The following TRPC6 variants were observed in gnomAD, a reference collection of about 807,000 sequenced individuals.
The protein encoded by TRPC6 is short transient receptor potential channel 6.
In TRPC6, 55 loss-of-function variants were observed where a neutral mutation model predicts 90.7. That is an observed-to-expected ratio of 0.61 (90% CI 0.49 to 0.76). The LOEUF (loss-of-function observed/expected upper bound fraction) is 0.76, where lower values mean the gene tolerates loss of function less well. TRPC6 is among the 30% of genes least tolerant of loss of function. The probability of loss-of-function intolerance (pLI) is 0.00; values close to 1 mark genes in which losing one functional copy is unlikely to be tolerated. For synonymous variants in TRPC6, 393 were observed against 393.0 expected (o/e 1.00, Z 0.00); for missense variants, 989 against 1,122.7 (o/e 0.88, Z 1.70).
At chr11:101,559,136 C>T (rs1293857501) in intron 1 of TRPC6, among the ~76,000 whole-genome samples, 2 of 152,016 alleles carry the variant, frequency 1.3e-5, no homozygotes, top group Non-Finnish European at 2.9e-5. Context: ...AATATCCACA[C>T]TATATAAGGG....
rs561430137 is a variant in TRPC6, at chr11:101,486,079, G to GT, written c.1293+2857dup. On this transcript the variant is annotated intron_variant, in intron 4 of 12. Coordinates refer to ENST00000344327, the MANE Select transcript of TRPC6 (RefSeq NM_004621.6). The stretch of plus-strand genomic sequence containing the variant: ...GGTATTTCTTGGTTTGTTTGTTGGT[G>GT]TTTTCTTGTTTTGTTTTGTTTTGTT... Among the ~76,000 whole-genome samples the GT allele has an allele frequency of 1.9e-3, 255 of 132,328 alleles. 1 individual carries two copies. Among genetic ancestry groups the GT allele is most frequent in the African/African-American group, 8.2e-3 (243 of 29,710 alleles). 86.8% of individuals were successfully genotyped at this position (132,328 alleles called of 152,430 possible).
chr11:101,472,231 C>T lies in TRPC6; in HGVS notation c.2111G>A (p.Gly704Asp). The T allele has an allele frequency of 6.2e-7, 1 of 1,613,092 alleles. No homozygotes were observed. The highest frequency in any genetic ancestry group is 1.3e-5 in the African/African-American group (1 of 74,980). Residue 704 changes from glycine to aspartate, a missense_variant, in exon 8 of 13, where the codon GGT (glycine) becomes GAT (aspartate). Gly to Asp is a moderately conservative substitution (Grantham distance 94). Transcript: ENST00000344327. The stretch of plus-strand genomic sequence containing the variant: ...ATTATAGACTCCATAAAGAACGTAA[C>T]CAATGTTTTCAATGAATTTGTGGTT... Reference protein sequence around the residue: ...NYNHKFIENIGYVLYGVYNVT... With the variant: ...NYNHKFIENIDYVLYGVYNVT...
At chr11:101,458,376 T>C (rs1156863604) in intron 10 of TRPC6, among the ~76,000 whole-genome samples, 2 of 152,208 alleles carry the variant, frequency 1.3e-5, no homozygotes, top group Non-Finnish European at 2.9e-5. Context: ...TATAACCTCC[T>C]AAGCTCTACC....
At chr11:101,463,353 T>C (rs1052646211) in intron 10 of TRPC6, among the ~76,000 whole-genome samples, 1 of 152,228 alleles carries the variant, frequency 6.6e-6, no homozygotes, top group Non-Finnish European at 1.5e-5. Flanking sequence ...TCCCTCTTTT[T>C]CTATTGTTTG....
chr11:101,511,502 TA>T (rs544573442), intron 1 of TRPC6, among the ~76,000 whole-genome samples: 14 of 152,092 alleles, frequency 9.2e-5, no homozygotes, highest in Non-Finnish European at 1.9e-4. Context: ...GACTACAATG[TA>T]CAACCCTACA....
chr11:101,497,131 T>C (rs1404217773), intron 2 of TRPC6, among the ~76,000 whole-genome samples: 2 of 152,344 alleles, frequency 1.3e-5, no homozygotes, highest in South Asian at 2.1e-4. Context: ...TATATAACTA[T>C]ATGATCTTGA....
intron 1 of TRPC6, among the ~76,000 whole-genome samples, chr11:101,532,966 G>A (rs867902690): frequency 6.6e-6 from 1 of 152,116 alleles, no homozygotes; most frequent in Non-Finnish European, 1.5e-5. Context: ...AAAAAGCATC[G>A]CAGAACCTCA....
chr11:101,504,751 C>T lies in TRPC6; in HGVS notation c.218G>A (p.Arg73His), dbSNP rs371919016. The change falls in exon 2 of 13, where the codon CGT becomes CAT. Residue 73 changes from arginine (R) to histidine (H), a missense_variant. Physicochemically the swap from Arg to His is conservative, Grantham distance 29. Around this residue, in one of 4 missense-constraint regions of TRPC6, gnomAD observed 194 missense variants for 136.5 expected, o/e 1.42. Transcript: ENST00000344327. Reference protein sequence around the residue: ...RLAHRRQTVLREKGRRLANRG... With the variant: ...RLAHRRQTVLHEKGRRLANRG... ...ATTAGCTAACCTTCTCCCCTTCTCA[C>T]GGAGAACTGTCTGCCGCCGGTGAGC... 3.2e-5 allele frequency: 52 copies of T among 1,603,942 alleles called. 1 individual carries two copies. Among genetic ancestry groups the T allele is most frequent in the Non-Finnish European group, 2.3e-5 (27 of 1,175,292 alleles).
chr11:101,458,830 T>C (rs948653456), intron 10 of TRPC6, among the ~76,000 whole-genome samples: 19 of 152,300 alleles, frequency 1.2e-4, no homozygotes, highest in Non-Finnish European at 1.6e-4. Context: ...CTAAATACTT[T>C]AAAATTCAAG....
chr11:101,575,507 A>G (rs1862051847), intron 1 of TRPC6, among the ~76,000 whole-genome samples: 1 of 152,126 alleles, frequency 6.6e-6, no homozygotes, highest in Non-Finnish European at 1.5e-5. Flanking sequence ...TAAAGTGAGG[A>G]TTATAAAAAT....
chr11:101,583,183 C>A (rs1476283791), intron 1 of TRPC6, 151 bp downstream of exon 1: 2 of 1,390,652 alleles, frequency 1.4e-6, no homozygotes, highest in African/African-American at 3.0e-5. Flanking sequence ...ACTCAGGTCC[C>A]AGCCCTGGCT....
chr11:101,452,815 C>A lies in TRPC6; in HGVS notation c.*140G>T. 1.1e-6 allele frequency: 1 copy of A among 940,968 alleles called. No homozygotes were observed. Among genetic ancestry groups the A allele is most frequent in the Non-Finnish European group, 1.6e-6 (1 of 612,544 alleles). 58.3% of individuals were successfully genotyped at this position (940,968 alleles called of 1,614,324 possible). On this transcript the variant is annotated 3_prime_UTR_variant, in exon 13 of 13. Transcript: ENST00000344327. ...TCACCAAAAAAATTAGATACTAGGGCTCCAGATGATAGGATGGCCCAAGTT... is the reference window on the plus strand; with the variant it reads ...TCACCAAAAAAATTAGATACTAGGGATCCAGATGATAGGATGGCCCAAGTT...
At chr11:101,570,097 A>G (rs1591146045) in intron 1 of TRPC6, among the ~76,000 whole-genome samples, 2 of 152,298 alleles carry the variant, frequency 1.3e-5, no homozygotes, top group East Asian at 3.9e-4. Flanking sequence ...GGCTTTTTGT[A>G]AAGATCAACA....
chr11:101,550,154 A>G (rs916085077), intron 1 of TRPC6, among the ~76,000 whole-genome samples: 1 of 151,636 alleles, frequency 6.6e-6, no homozygotes, highest in African/African-American at 2.4e-5. Flanking sequence ...TTGCAACATT[A>G]TAAGAATAAA....
chr11:101,563,526 G>A (rs146378301), intron 1 of TRPC6, among the ~76,000 whole-genome samples: 1 of 152,244 alleles, frequency 6.6e-6, no homozygotes, highest in Non-Finnish European at 1.5e-5. Flanking sequence ...TTTATTGTCT[G>A]TAGGCTGTGT....
At chr11:101,559,034 T>C (rs1861651447) in intron 1 of TRPC6, among the ~76,000 whole-genome samples, 1 of 152,030 alleles carries the variant, frequency 6.6e-6, no homozygotes, top group African/African-American at 2.4e-5. Flanking sequence ...TATATCAAAC[T>C]AAAAAGCTTC....
Position 101,499,728 on chromosome 11 carries a change from T to TATA in TRPC6, c.945+4295_945+4296insTAT, listed in dbSNP as rs530350212. 1.7e-4 allele frequency among the ~76,000 whole-genome samples: 5 copies of TATA among 28,800 alleles called. 1 individual carries two copies. The highest frequency in any genetic ancestry group is 9.4e-4 in the African/African-American group (5 of 5,306). 18.9% of individuals were successfully genotyped at this position (28,800 alleles called of 152,430 possible). ...ATATATACACATTTTATATTGTGTA[T>TATA]ATGTGTATATATATATACACAATAT... On this transcript the variant is annotated intron_variant, in intron 2 of 12. Transcript: ENST00000344327.
At chr11:101,558,234 TGGGTATAC>T (rs1565243163) in intron 1 of TRPC6, among the ~76,000 whole-genome samples, 10 of 79,086 alleles carry the variant, frequency 1.3e-4, no homozygotes, top group Admixed American at 3.5e-4. Context: ...TACATGTATA[TGGGTATAC>T]ATGTATATAT....
intron 4 of TRPC6, 70 bp downstream of exon 4, chr11:101,488,867 G>T: frequency 6.4e-7 from 1 of 1,569,378 alleles, no homozygotes; most frequent in Non-Finnish European, 8.7e-7. Context: ...TTTCACTTTG[G>T]AGATAAGATT....
Sources: gnomAD v4.1 joint callset for allele counts (sites outside exome capture counted in the v4.1 genomes callset) on GRCh38, gnomAD v4.1.1 for gene constraint, gnomAD v4.1.1 regional missense constraint, MANE v1.5 for transcripts, NCBI Gene and HGNC (gene_info 2026-07-23, HGNC 2026-07-21) for gene names.